The following IFT74 variants were observed in gnomAD, a reference collection of about 807,000 sequenced individuals.
IFT74 encodes intraflagellar transport 74.
IFT74 carries 92 observed loss-of-function variants against 96.7 expected under a neutral mutation model. That is an observed-to-expected ratio of 0.95 (90% CI 0.80 to 1.13). IFT74 has a LOEUF of 1.13. Among genes scored for constraint, IFT74 ranks in the 50% most tolerant of loss-of-function variants. IFT74 has a pLI of 0.00. For synonymous variants in IFT74, 223 were observed against 213.2 expected (o/e 1.05, Z -0.40); for missense variants, 811 against 698.2 (o/e 1.16, Z -1.82).
At chr9:27,036,597 T>C in intron 13 of IFT74, 1 of 1,575,110 alleles carries the variant, frequency 6.3e-7, no homozygotes, top group Non-Finnish European at 8.6e-7. Context: ...TCACAGATCT[T>C]CAGTCTCTCT....
intron 13 of IFT74, among the ~76,000 whole-genome samples, chr9:27,039,046 G>C (rs1819346285): frequency 6.6e-6 from 1 of 152,184 alleles, no homozygotes; most frequent in Non-Finnish European, 1.5e-5. Flanking sequence ...GTTCAAGTTA[G>C]CCTTGTGTTT....
At chr9:26,969,975 G>T (rs893737569) in intron 2 of IFT74, among the ~76,000 whole-genome samples, 2 of 151,240 alleles carry the variant, frequency 1.3e-5, no homozygotes, top group Admixed American at 6.6e-5. Context: ...TTGTTTTTTG[G>T]TTTTTTCCTT....
chr9:27,039,028 G>A (rs1819345713), intron 13 of IFT74, among the ~76,000 whole-genome samples: 2 of 152,204 alleles, frequency 1.3e-5, no homozygotes. Context: ...CCGATGTCCT[G>A]TTAGAAGGTT....
chr9:27,047,034 G>A (rs889991537), intron 14 of IFT74, among the ~76,000 whole-genome samples: 5 of 152,076 alleles, frequency 3.3e-5, no homozygotes, highest in South Asian at 2.1e-4. Context: ...TTAGCTGGGC[G>A]TGATGGTGCA....
chr9:27,000,909 G>C (rs1415451593), intron 8 of IFT74, among the ~76,000 whole-genome samples: 2 of 152,044 alleles, frequency 1.3e-5, no homozygotes, highest in Non-Finnish European at 2.9e-5. Context: ...CTTTTTTTAA[G>C]CAAACTGTAT....
rs1239243276 is a variant in IFT74, at chr9:26,997,716, A to G, written c.587+7521A>G. ...AATCACATTTTGGTTTTGCTTAATT[A>G]TGATAGCTTACCTAATGTCACATTT... On this transcript the variant is annotated intron_variant, in intron 8 of 19. Transcript: ENST00000380062. 6 of 1,575,188 alleles carry G rather than the reference A, an allele frequency of 3.8e-6. No individual in the cohort carries two copies. In the East Asian group the frequency reaches 1.1e-4, roughly 29 times the overall value.
chr9:26,970,031 T>G (rs1248633940), intron 2 of IFT74, among the ~76,000 whole-genome samples: 4 of 151,944 alleles, frequency 2.6e-5, no homozygotes, highest in Non-Finnish European at 5.9e-5. Flanking sequence ...TTTGTTGTTG[T>G]TTTTTTTAAT....
chr9:27,004,365 A>G (rs1828666215), intron 8 of IFT74, among the ~76,000 whole-genome samples: 1 of 152,196 alleles, frequency 6.6e-6, no homozygotes, highest in African/African-American at 2.4e-5. Context: ...GAAAGCATTC[A>G]ACAAATCTAA....
At chr9:27,026,077 C>T (rs1276417878) in intron 12 of IFT74, among the ~76,000 whole-genome samples, 2 of 152,248 alleles carry the variant, frequency 1.3e-5, no homozygotes, top group East Asian at 3.9e-4. Context: ...CAAGTATCTC[C>T]CATCTTCAAG....
intron 2 of IFT74, among the ~76,000 whole-genome samples, chr9:26,966,644 ATTGT>A (rs1366616524): frequency 6.6e-6 from 1 of 151,652 alleles, no homozygotes; most frequent in Non-Finnish European, 1.5e-5. Flanking sequence ...CACTTTGTTG[ATTGT>A]TTGCTGTGCA....
chr9:26,955,464 A>G (rs1369934035), upstream of IFT74, among the ~76,000 whole-genome samples: 2 of 152,182 alleles, frequency 1.3e-5, no homozygotes, highest in East Asian at 3.9e-4. Context: ...CCCAGTAATA[A>G]GGAAGACTAG....
At chr9:27,016,875 A>T in intron 10 of IFT74, 32 bp from the exon 11 acceptor site, 2 of 1,544,926 alleles carry the variant, frequency 1.3e-6, no homozygotes, top group Non-Finnish European at 1.8e-6. Flanking sequence ...ATAAAATACT[A>T]ATTAAAACTT....
intron 19 of IFT74, 40 bp downstream of exon 19, chr9:27,060,691 G>T: frequency 1.4e-6 from 2 of 1,478,294 alleles, no homozygotes; most frequent in Non-Finnish European, 1.9e-6. Flanking sequence ...GGGTGCGGTG[G>T]CTCATGCCTA....
At chr9:27,042,083 A>C (rs1819506540) in intron 13 of IFT74, among the ~76,000 whole-genome samples, 1 of 152,222 alleles carries the variant, frequency 6.6e-6, no homozygotes, top group Non-Finnish European at 1.5e-5. Flanking sequence ...AAGGACAGCC[A>C]AATGTAATAG....
chr9:26,991,379 C>T (rs72703108), intron 8 of IFT74, among the ~76,000 whole-genome samples: 3,296 of 152,136 alleles, frequency 0.022, 38 homozygotes, highest in Non-Finnish European at 0.031. Context: ...TGCCACTATG[C>T]CCAGCTAATT....
At chr9:26,974,798 C>T (rs1390896962) in intron 2 of IFT74, among the ~76,000 whole-genome samples, 1 of 152,158 alleles carries the variant, frequency 6.6e-6, no homozygotes, top group Non-Finnish European at 1.5e-5. Flanking sequence ...TAATCAGCCA[C>T]CCCATAAGGG....
At position 27,009,114 on chromosome 9, in the gene IFT74, G is replaced by C. The variant is rs770173496; in HGVS notation, c.682G>C (p.Val228Leu). 3.1e-6 allele frequency: 5 copies of C among 1,613,144 alleles called. No homozygotes were observed. The highest frequency in any genetic ancestry group is 1.6e-4 in the Middle Eastern group (1 of 6,078). ...CAAAAATATGTCTTTTGAAAACCAAGTCAAGTACCTAGAGATGAAAACCAC... is the reference window on the plus strand; with the variant it reads ...CAAAAATATGTCTTTTGAAAACCAACTCAAGTACCTAGAGATGAAAACCAC... ...IIKNMSFENQ[V>L]KYLEMKTTNE... The change falls in exon 9 of 20, where the codon GTC (valine) becomes CTC (leucine). Residue 228 changes from valine (V) to leucine (L), a missense_variant. Physicochemically the swap from Val to Leu is conservative, Grantham distance 32. Transcript: ENST00000380062.
rs548244432 is a variant in IFT74 at position 27,046,459 on chromosome 9, A to G, written c.1109-815A>G. ...AAAGTTTCTATTTTTTAGATGCTCC[A>G]TAGAAATACTCGAAAATGTAAATAA... On this transcript the variant is annotated intron_variant, in intron 14 of 19. Coordinates refer to ENST00000380062, the MANE Select transcript of IFT74 (RefSeq NM_025103.4). 1.8e-4 allele frequency among the ~76,000 whole-genome samples: 27 copies of G among 152,316 alleles called. 1 individual carries two copies. Among genetic ancestry groups the G allele is most frequent in the African/African-American group, 4.8e-4 (20 of 41,586 alleles).
At chr9:27,016,143 G>A (rs1003748161) in intron 10 of IFT74, among the ~76,000 whole-genome samples, 3 of 152,136 alleles carry the variant, frequency 2.0e-5, no homozygotes, top group East Asian at 1.9e-4. Flanking sequence ...CTGAAATCAC[G>A]GTGTCAGCAG....
Sources: allele counts gnomAD v4.1 joint callset (sites outside exome capture counted in the v4.1 genomes callset), GRCh38; gene constraint gnomAD v4.1.1; transcripts MANE v1.5; gene names NCBI Gene and HGNC (gene_info 2026-07-23, HGNC 2026-07-21).